The following ZNF578 variants were observed in gnomAD, a reference collection of about 807,000 sequenced individuals.
ZNF578 encodes the protein zinc finger protein 578.
ZNF578 carries 8 observed loss-of-function variants against 8.3 expected under a neutral mutation model. That is an observed-to-expected ratio of 0.96 (90% CI 0.56 to 1.74). The LOEUF (loss-of-function observed/expected upper bound fraction) is 1.74. Among genes scored for constraint, ZNF578 ranks in the 40% most tolerant of loss-of-function variants. ZNF578 has a pLI of 0.00. For synonymous variants in ZNF578, 206 were observed against 232.2 expected, an observed-to-expected ratio of 0.89 and a Z score of 1.03; for missense variants, 726 against 707.5, an observed-to-expected ratio of 1.03 and a Z score of -0.30.
intron 2 of ZNF578, among the ~76,000 whole-genome samples, chr19:52,485,536 C>T (rs2059342539): frequency 6.6e-6 from 1 of 152,084 alleles, no homozygotes; most frequent in Non-Finnish European, 1.5e-5. Context: ...GAGGGGCTGT[C>T]CTGTAGGGAA....
intron 2 of ZNF578, among the ~76,000 whole-genome samples, chr19:52,489,671 C>CT (rs532140264): frequency 6.0e-4 from 88 of 146,880 alleles, no homozygotes; most frequent in Admixed American, 8.2e-4. Context: ...AGAAATTCTT[C>CT]TTTTTTTTTT....
chr19:52,501,374 T>C (rs7247919), intron 3 of ZNF578, among the ~76,000 whole-genome samples: 28,995 of 152,172 alleles, frequency 0.19, 2,970 homozygotes, highest in Non-Finnish European at 0.23. Flanking sequence ...GGGATTCTTA[T>C]TCTGACGGGA....
chr19:52,457,358 G>A (rs1370565878), intron 2 of ZNF578: 1 of 152,246 alleles, frequency 6.6e-6, no homozygotes, highest in Non-Finnish European at 1.5e-5. Context: ...TGGAAGCCCT[G>A]CACTCCTTCC....
chr19:52,477,016 T>C (rs977829813), intron 2 of ZNF578, among the ~76,000 whole-genome samples: 2 of 152,216 alleles, frequency 1.3e-5, no homozygotes, highest in African/African-American at 4.8e-5. Context: ...AATTGAGCAA[T>C]ATATTCTCCT....
intron 2 of ZNF578, among the ~76,000 whole-genome samples, chr19:52,485,941 C>A (rs1407913129): frequency 6.6e-6 from 1 of 152,126 alleles, no homozygotes; most frequent in Admixed American, 6.5e-5. Flanking sequence ...GACCATCCCC[C>A]AGCCCGACAC....
intron 4 of ZNF578, among the ~76,000 whole-genome samples, chr19:52,503,907 C>T (rs1334300205): frequency 4.6e-5 from 7 of 151,368 alleles, no homozygotes; most frequent in Non-Finnish European, 8.8e-5. Flanking sequence ...AAGCGATCCT[C>T]CTGCCTCAGC....
intron 3 of ZNF578, among the ~76,000 whole-genome samples, chr19:52,493,245 C>T (rs1335509157): frequency 2.0e-5 from 3 of 152,122 alleles, no homozygotes; most frequent in African/African-American, 7.2e-5. Context: ...GGGGAGGCTG[C>T]GTCTTCTGCC....
Position 52,512,230 on chromosome 19 carries a change from A to T in ZNF578, c.*76A>T. 2 of 1,597,894 alleles carry T rather than the reference A, an allele frequency of 1.3e-6. No individual in the cohort carries two copies. The highest frequency in any genetic ancestry group is 4.5e-5 in the East Asian group (2 of 44,692). The stretch of plus-strand genomic sequence containing the variant: ...TCAGTCACAGATCACGCCTTAAAAG[A>T]CATAGGAGAATTCATACTGGAGAGA... On this transcript the variant is annotated 3_prime_UTR_variant, in exon 6 of 6. Coordinates refer to ENST00000421239, the MANE Select transcript of ZNF578 (RefSeq NM_001099694.2).
chr19:52,512,114 A>G lies in ZNF578; in HGVS notation c.1733A>G (p.His578Arg), dbSNP rs764386354. Residue 578 changes from histidine (H) to arginine (R), a missense_variant, in exon 6 of 6, where the codon CAC becomes CGC. Physicochemically the swap from His to Arg is conservative, Grantham distance 29. Transcript: ENST00000421239. ...AATGAGTGTGGTAAGGCTCACAATC[A>G]CTTGATTGATTCATCAATCAAGCCT... Reference protein sequence around the residue: ...KCNECGKAHNHLIDSSIKPCM... With the variant: ...KCNECGKAHNRLIDSSIKPCM... 2.4e-5 allele frequency: 38 copies of G among 1,613,418 alleles called. No individual in the cohort carries two copies. Among genetic ancestry groups the G allele is most frequent in the Non-Finnish European group, 3.0e-5 (35 of 1,179,808 alleles).
chr19:52,488,400 C>G (rs560659667), intron 2 of ZNF578, among the ~76,000 whole-genome samples: 1 of 151,946 alleles, frequency 6.6e-6, no homozygotes, highest in Admixed American at 6.5e-5. Flanking sequence ...TAAAAAAATA[C>G]CAAAATTTCC....
In ZNF578 at chr19:52,515,842, A is replaced by C. The variant is rs1175213798; in HGVS notation, c.*3688A>C. On this transcript the variant is annotated 3_prime_UTR_variant, in exon 6 of 6. Transcript: ENST00000421239. The stretch of plus-strand genomic sequence containing the variant: ...ATGGAAGAAATAGAGGTAGACTCAG[A>C]CACAGAGACCATCTTCAAGGCCTTT... Among the ~76,000 whole-genome samples, 2 of 152,148 alleles carry C rather than the reference A, an allele frequency of 1.3e-5. No homozygotes were observed. Among genetic ancestry groups the C allele is most frequent in the African/African-American group, 4.8e-5 (2 of 41,440 alleles).
chr19:52,508,563 C>T (rs1205718109), intron 5 of ZNF578, among the ~76,000 whole-genome samples: 5 of 151,766 alleles, frequency 3.3e-5, no homozygotes, highest in African/African-American at 1.2e-4. Flanking sequence ...TTTGGGAGGC[C>T]GAGGTGGGTG....
At chr19:52,464,908 A>G (rs2059269771) in intron 2 of ZNF578, among the ~76,000 whole-genome samples, 1 of 152,182 alleles carries the variant, frequency 6.6e-6, no homozygotes, top group Non-Finnish European at 1.5e-5. Context: ...TTAAATCTAT[A>G]ATAACAAGCA....
intron 2 of ZNF578, among the ~76,000 whole-genome samples, chr19:52,468,403 T>C (rs2059282006): frequency 1.3e-5 from 2 of 152,222 alleles, no homozygotes; most frequent in South Asian, 4.1e-4. Flanking sequence ...TATTGTGCAA[T>C]GGGACCTATG....
intron 2 of ZNF578, among the ~76,000 whole-genome samples, chr19:52,473,103 G>C (rs2059297169): frequency 6.6e-6 from 1 of 152,146 alleles, no homozygotes; most frequent in East Asian, 1.9e-4. Context: ...TATATCTTTT[G>C]ATGTCTAGTG....
chr19:52,498,120 C>T lies in ZNF578; in HGVS notation c.-19-3707C>T, dbSNP rs2059393230. On this transcript the variant is annotated intron_variant, in intron 3 of 5. Transcript: ENST00000421239. ...GAACCTTACAACTCGAAAGAAGTTT[C>T]CTTTGCTCAGGTATATAAGATGGTC... Among the ~76,000 whole-genome samples, 3 of 152,232 alleles carry T rather than the reference C, an allele frequency of 2.0e-5. No individual in the cohort carries two copies. In the South Asian group the frequency reaches 6.2e-4, roughly 32 times the overall value.
chr19:52,496,325 G>A (rs868265448), intron 3 of ZNF578, among the ~76,000 whole-genome samples: 8 of 146,102 alleles, frequency 5.5e-5, no homozygotes, highest in Non-Finnish European at 1.1e-4. Flanking sequence ...CTCATTTGTT[G>A]TTATTTATTT....
chr19:52,454,641 T>C (rs555294454), intron 1 of ZNF578: 1 of 152,256 alleles, frequency 6.6e-6, no homozygotes, highest in South Asian at 2.1e-4. Context: ...TCTAGAAAAT[T>C]AGTTGAATGC....
At chr19:52,492,808 C>T (rs1274575285) in intron 3 of ZNF578, 1 of 152,336 alleles carries the variant, frequency 6.6e-6, no homozygotes, top group Non-Finnish European at 1.5e-5. Flanking sequence ...TGGCTTCTGT[C>T]CTGCGCGCGC....
Sources: gnomAD v4.1 joint callset for allele counts (sites outside exome capture counted in the v4.1 genomes callset) on GRCh38, gnomAD v4.1.1 for gene constraint, MANE v1.5 for transcripts, NCBI Gene and HGNC (gene_info 2026-07-23, HGNC 2026-07-21) for gene names.